The following PHTF2 variants were observed in gnomAD, a reference collection of about 807,000 sequenced individuals.
PHTF2 encodes the protein putative homeodomain transcription factor 2, also known as protein PHTF2.
In PHTF2, 60 loss-of-function variants were observed where a neutral mutation model predicts 101.2. The observed-to-expected ratio is 0.59, with a 90% CI of 0.48 to 0.73. The LOEUF (loss-of-function observed/expected upper bound fraction) is 0.73. PHTF2 is among the 30% of genes least tolerant of loss of function. The pLI, the probability that PHTF2 is intolerant of heterozygous loss-of-function variation, is 0.00. For missense variants in PHTF2, 747 were observed against 908.7 expected (o/e 0.82, Z 2.29); for synonymous variants, 311 against 307.3 (o/e 1.01, Z -0.13).
chr7:77,923,534 C>T, intron 11 of PHTF2: 1 of 984,542 alleles, frequency 1.0e-6, no homozygotes, highest in Non-Finnish European at 1.2e-6. Context: ...ATTCTTTGCA[C>T]ACTCTTCTTT....
intron 1 of PHTF2, among the ~76,000 whole-genome samples, chr7:77,838,495 C>A (rs1265785008): frequency 1.3e-5 from 2 of 152,118 alleles, no homozygotes; most frequent in African/African-American, 2.4e-5. Flanking sequence ...AATATAAATA[C>A]TTCTAGTTCC....
At position 77,875,144 on chromosome 7, in the gene PHTF2, G is replaced by A. The variant is rs534804739; in HGVS notation, c.148-18464G>A. Among the ~76,000 whole-genome samples, 35 of 152,158 alleles carry A rather than the reference G, an allele frequency of 2.3e-4. No homozygotes were observed. The South Asian group carries it at 6.9e-3, about 30-fold the overall frequency. ...TGTTTTTTTCTATTTCTGTGTAGGG[G>A]TTGCATTGACTCAGTAGATTATCTT... is the stretch of plus-strand genomic sequence containing the variant. On this transcript the variant is annotated intron_variant, in intron 3 of 19. Transcript: ENST00000416283.
intron 7 of PHTF2, among the ~76,000 whole-genome samples, chr7:77,904,627 T>C (rs1801687107): frequency 6.6e-6 from 1 of 152,168 alleles, no homozygotes; most frequent in African/African-American, 2.4e-5. Context: ...GCCTTTCTTG[T>C]GTGTGTGAGT....
At chr7:77,863,655 CTTTT>C (rs71082790) in intron 3 of PHTF2, among the ~76,000 whole-genome samples, 48 of 143,872 alleles carry the variant, frequency 3.3e-4, no homozygotes, top group African/African-American at 1.2e-3. Flanking sequence ...TTATTAAAGA[CTTTT>C]TTTTTTTTAA....
intron 3 of PHTF2, among the ~76,000 whole-genome samples, chr7:77,881,481 A>G (rs753038361): frequency 2.6e-4 from 40 of 151,556 alleles, no homozygotes; most frequent in African/African-American, 8.7e-4. Context: ...ATCTCTAGCC[A>G]TAATTCTTGG....
intron 12 of PHTF2, among the ~76,000 whole-genome samples, chr7:77,930,016 C>T (rs1218396101): frequency 1.4e-5 from 2 of 145,012 alleles, no homozygotes; most frequent in Non-Finnish European, 3.0e-5. Context: ...TACAATGGCA[C>T]GATCTTGACT....
rs1584742853 is a variant in PHTF2, at chr7:77,929,339, GT to G, written c.1338+16del. On this transcript the variant is annotated intron_variant, in intron 12 of 19. Coordinates refer to ENST00000416283, the Ensembl canonical transcript of PHTF2. ...ACCCTTTTCATCAGGTTGGTTTATG[GT>G]TTTGGCTTATGTGGAGCTATGAGTC... is the stretch of plus-strand genomic sequence containing the variant. The G allele has an allele frequency of 6.9e-7, 1 of 1,458,268 alleles. No homozygotes were observed. The allele number at this position is 1,458,268 out of a possible 1,614,324, so 90.3% of individuals were successfully genotyped here. A position where few individuals can be genotyped will look rare whatever the true frequency, so the allele number is the denominator to read the frequency against.
intron 1 of PHTF2, among the ~76,000 whole-genome samples, chr7:77,836,816 C>A (rs1170177714): frequency 1.5e-5 from 2 of 136,842 alleles, no homozygotes; most frequent in Non-Finnish European, 1.6e-5. Context: ...CAGGGCCGGT[C>A]GGGGTGGGGG....
intron 3 of PHTF2, among the ~76,000 whole-genome samples, chr7:77,878,729 C>G (rs2150741758): frequency 6.6e-6 from 1 of 152,238 alleles, no homozygotes; most frequent in South Asian, 2.1e-4. Context: ...CTCCTACTGT[C>G]ATAATTTTGC....
chr7:77,824,350 A>T (rs1180347371), intron 1 of PHTF2, among the ~76,000 whole-genome samples: 2 of 151,650 alleles, frequency 1.3e-5, no homozygotes, highest in African/African-American at 4.8e-5. Context: ...TCTTGAGTTT[A>T]TAAAAAGAAT....
At chr7:77,905,250 G>A (rs910835484) in intron 7 of PHTF2, among the ~76,000 whole-genome samples, 5 of 152,106 alleles carry the variant, frequency 3.3e-5, no homozygotes, top group Non-Finnish European at 7.4e-5. Flanking sequence ...TTTAGACATA[G>A]GGTTTTGCTT....
chr7:77,821,718 A>G (rs1241067706), intron 1 of PHTF2, among the ~76,000 whole-genome samples: 1 of 151,704 alleles, frequency 6.6e-6, no homozygotes, highest in Non-Finnish European at 1.5e-5. Flanking sequence ...GGGGGGGCCC[A>G]CAGGACTTTC....
chr7:77,851,406 G>A (rs1354440867), intron 2 of PHTF2, among the ~76,000 whole-genome samples: 12 of 152,062 alleles, frequency 7.9e-5, no homozygotes, highest in African/African-American at 2.7e-4. Flanking sequence ...GTTGCTCATA[G>A]CAGTCTCTAA....
chr7:77,799,506 A>C (rs1434512838), intron 1 of PHTF2, among the ~76,000 whole-genome samples: 1 of 152,208 alleles, frequency 6.6e-6, no homozygotes, highest in Non-Finnish European at 1.5e-5. Flanking sequence ...AGCAGGCGGC[A>C]GTCGAGTTTT....
chr7:77,923,930 A>G, intron 11 of PHTF2: 4 of 965,420 alleles, frequency 4.1e-6, no homozygotes, highest in Non-Finnish European at 4.9e-6. Flanking sequence ...AAGGTTGTTT[A>G]AAATCTTGAT....
intron 9 of PHTF2, among the ~76,000 whole-genome samples, chr7:77,919,982 G>C (rs971275421): frequency 6.6e-6 from 1 of 152,004 alleles, no homozygotes; most frequent in Admixed American, 6.6e-5. Context: ...GCAAAATTTT[G>C]TTTCTAGATT....
intron 3 of PHTF2, among the ~76,000 whole-genome samples, chr7:77,863,112 A>AT (rs1168965064): frequency 3.9e-5 from 6 of 152,326 alleles, no homozygotes; most frequent in Admixed American, 2.6e-4. Context: ...CAATATCCTT[A>AT]TTGGCATATA....
At chr7:77,928,480 C>G (rs1003087019) in intron 11 of PHTF2, among the ~76,000 whole-genome samples, 4 of 150,060 alleles carry the variant, frequency 2.7e-5, no homozygotes, top group African/African-American at 9.9e-5. Flanking sequence ...TAAATCCACT[C>G]TTGCTTAAAA....
intron 2 of PHTF2, among the ~76,000 whole-genome samples, chr7:77,852,857 T>TA (rs1224536399): frequency 6.6e-6 from 1 of 152,214 alleles, no homozygotes; most frequent in African/African-American, 2.4e-5. Flanking sequence ...GATATACTAT[T>TA]AAAGGATAAA....
Sources: allele counts gnomAD v4.1 joint callset (sites outside exome capture counted in the v4.1 genomes callset), GRCh38; gene constraint gnomAD v4.1.1; transcripts MANE v1.5; gene names NCBI Gene and HGNC (gene_info 2026-07-23, HGNC 2026-07-21).